The following ZFPM2 variants were observed in gnomAD, a reference collection of about 807,000 sequenced individuals.
ZFPM2 encodes the protein zinc finger protein, FOG family member 2, also known as zinc finger protein ZFPM2.
Under a neutral mutation model 98.6 loss-of-function variants are expected in ZFPM2, and 20 were observed. That is an observed-to-expected ratio of 0.20 (90% CI 0.14 to 0.29). ZFPM2 has a LOEUF of 0.29. Among genes scored for constraint, ZFPM2 ranks in the 10% least tolerant of loss-of-function variants. ZFPM2 has a pLI of 1.00. For missense variants in ZFPM2, 1,310 were observed against 1,388.6 expected (o/e 0.94, Z 0.90); for synonymous variants, 518 against 502.7 (o/e 1.03, Z -0.41).
In ZFPM2 at chr8:105,598,776, G is replaced by A. The variant is rs1816027483; in HGVS notation, c.421-35470G>A. Among the ~76,000 whole-genome samples, 5 of 152,096 alleles carry A rather than the reference G, an allele frequency of 3.3e-5. No individual in the cohort carries two copies. In the South Asian group the frequency reaches 1.0e-3, roughly 31 times the overall value. Reference sequence around the variant, plus strand: ...TGAAGTCCTTTCAAAAACTCTTTATGTGTGAAACCCTGGAGGAAAACCCTA... The same window carrying A: ...TGAAGTCCTTTCAAAAACTCTTTATATGTGAAACCCTGGAGGAAAACCCTA... On this transcript the variant is annotated intron_variant, in intron 4 of 7. Coordinates refer to ENST00000407775, the MANE Select transcript of ZFPM2 (RefSeq NM_012082.4).
chr8:105,411,686 A>G (rs1050910914), intron 1 of ZFPM2, among the ~76,000 whole-genome samples: 25 of 151,846 alleles, frequency 1.6e-4, no homozygotes, highest in Admixed American at 1.1e-3. Flanking sequence ...ACCATCTTCA[A>G]TAGACTGAGA....
chr8:105,382,557 A>G (rs1442032516), intron 1 of ZFPM2, among the ~76,000 whole-genome samples: 2 of 152,126 alleles, frequency 1.3e-5, no homozygotes, highest in Non-Finnish European at 2.9e-5. Flanking sequence ...ACACAGTGGT[A>G]TAAGCGTTTG....
intron 5 of ZFPM2, among the ~76,000 whole-genome samples, chr8:105,646,992 C>A (rs894298088): frequency 6.6e-6 from 1 of 152,116 alleles, no homozygotes; most frequent in Non-Finnish European, 1.5e-5. Flanking sequence ...AATGGCTGGG[C>A]CTGGAGGGAA....
At chr8:105,400,870 A>G (rs1304871724) in intron 1 of ZFPM2, among the ~76,000 whole-genome samples, 1 of 152,056 alleles carries the variant, frequency 6.6e-6, no homozygotes, top group Non-Finnish European at 1.5e-5. Context: ...CACCGGGGCT[A>G]AGTCGTACCC....
intron 3 of ZFPM2, among the ~76,000 whole-genome samples, chr8:105,536,868 C>T (rs1424926114): frequency 6.6e-6 from 1 of 152,148 alleles, no homozygotes; most frequent in African/African-American, 2.4e-5. Flanking sequence ...CAAAAGTCTC[C>T]TCCAGTGAAA....
At chr8:105,754,609 G>T (rs1011116126) in intron 5 of ZFPM2, among the ~76,000 whole-genome samples, 1 of 151,952 alleles carries the variant, frequency 6.6e-6, no homozygotes, top group South Asian at 2.1e-4. Flanking sequence ...AACGACCTGC[G>T]GTTCTCAGTT....
chr8:105,529,293 G>A (rs1814243482), intron 3 of ZFPM2, among the ~76,000 whole-genome samples: 1 of 152,012 alleles, frequency 6.6e-6, no homozygotes, highest in African/African-American at 2.4e-5. Context: ...ACTTCTACAT[G>A]CAGTCACATT....
At chr8:105,455,830 C>T (rs1319707765) in intron 3 of ZFPM2, among the ~76,000 whole-genome samples, 2 of 152,078 alleles carry the variant, frequency 1.3e-5, no homozygotes, top group East Asian at 1.9e-4. Context: ...TAATATGGCA[C>T]GGTTTTTATT....
chr8:105,509,051 C>G (rs1476315858), intron 3 of ZFPM2, among the ~76,000 whole-genome samples: 1 of 151,792 alleles, frequency 6.6e-6, no homozygotes, highest in South Asian at 2.1e-4. Context: ...AGCGCCGGGC[C>G]CACAAGATAC....
intron 5 of ZFPM2, among the ~76,000 whole-genome samples, chr8:105,726,302 T>C (rs1363682829): frequency 6.6e-6 from 1 of 151,830 alleles, no homozygotes; most frequent in African/African-American, 2.4e-5. Flanking sequence ...TGTATAACCA[T>C]AGTACTTAGC....
At chr8:105,330,595 CATAT>C (rs10550161) in intron 1 of ZFPM2, among the ~76,000 whole-genome samples, 1,147 of 88,174 alleles carry the variant, frequency 0.013, 36 homozygotes, top group African/African-American at 0.047. Context: ...TATATATATA[CATAT>C]ATATATATAT....
chr8:105,421,597 G>T (rs1308479884), intron 2 of ZFPM2, among the ~76,000 whole-genome samples: 1 of 152,148 alleles, frequency 6.6e-6, no homozygotes, highest in Non-Finnish European at 1.5e-5. Context: ...TGCAAGGAGT[G>T]CTATCCATTC....
chr8:105,454,473 G>T (rs1770131729), intron 3 of ZFPM2, among the ~76,000 whole-genome samples: 1 of 152,182 alleles, frequency 6.6e-6, no homozygotes, highest in African/African-American at 2.4e-5. Flanking sequence ...GTACAAGTGT[G>T]TGATGTACTA....
intron 5 of ZFPM2, among the ~76,000 whole-genome samples, chr8:105,658,046 T>A (rs1817318486): frequency 6.6e-6 from 1 of 152,120 alleles, no homozygotes; most frequent in African/African-American, 2.4e-5. Flanking sequence ...GACTATGCCA[T>A]TTTTTTATCC....
At chr8:105,634,452 T>C in intron 5 of ZFPM2, 95 bp downstream of exon 5, 2 of 969,616 alleles carry the variant, frequency 2.1e-6, no homozygotes, top group Non-Finnish European at 3.2e-6. Context: ...GTACAAAGTA[T>C]AAATTGATCC....
Position 105,798,760 on chromosome 8 carries a change from A to G in ZFPM2, c.776A>G (p.Tyr259Cys), listed in dbSNP as rs751249829. The part of the protein sequence containing the change: ...IFPCKSCGIW[Y>C]RSERNLQAHL... ...CCTTGCAAGTCCTGTGGCATCTGGT[A>G]TCGGAGTGAGCGGAATCTGCAGGCC... Residue 259 changes from tyrosine (Y) to cysteine (C), a missense_variant, in exon 7 of 8, where the codon TAT becomes TGT. By Grantham distance (194) the Tyr-to-Cys change is radical. Transcript: ENST00000407775. 9.9e-6 allele frequency: 16 copies of G among 1,613,810 alleles called. No individual in the cohort carries two copies. The highest frequency in any genetic ancestry group is 1.3e-5 in the African/African-American group (1 of 74,930).
chr8:105,487,825 A>C (rs949084667), intron 3 of ZFPM2, among the ~76,000 whole-genome samples: 4 of 152,168 alleles, frequency 2.6e-5, no homozygotes, highest in African/African-American at 2.4e-5. Context: ...ATTATTTGGC[A>C]CTGTGCTAAA....
chr8:105,617,314 T>C (rs1816441266), intron 4 of ZFPM2, among the ~76,000 whole-genome samples: 1 of 152,156 alleles, frequency 6.6e-6, no homozygotes, highest in Admixed American at 6.6e-5. Flanking sequence ...GGCTTCTTTT[T>C]GTCTTCCCAG....
chr8:105,385,228 T>A (rs2129899883), intron 1 of ZFPM2, among the ~76,000 whole-genome samples: 1 of 152,356 alleles, frequency 6.6e-6, no homozygotes, highest in African/African-American at 2.4e-5. Context: ...AAAGTCATCT[T>A]TGACATTCGT....
Sources: allele counts gnomAD v4.1 joint callset (sites outside exome capture counted in the v4.1 genomes callset), GRCh38; gene constraint gnomAD v4.1.1; transcripts MANE v1.5; gene names NCBI Gene and HGNC (gene_info 2026-07-23, HGNC 2026-07-21).